Variants in MRTFB observed in about 807,000 individuals in gnomAD.
MRTFB encodes myocardin-related transcription factor B.
Under a neutral mutation model 104.2 loss-of-function variants are expected in MRTFB, and 29 were observed. The ratio of observed to expected loss-of-function variants is 0.28; its 90% CI spans 0.21 to 0.38. MRTFB has a LOEUF of 0.38. Ranked by LOEUF, MRTFB falls within the 10% of genes least tolerant of loss-of-function variation. The probability of loss-of-function intolerance (pLI) is 1.00; values close to 1 mark genes in which losing one functional copy is unlikely to be tolerated. For missense variants in MRTFB, 1,270 were observed against 1,341.6 expected, an observed-to-expected ratio of 0.95 and a Z score of 0.83; for synonymous variants, 535 against 519.5, an observed-to-expected ratio of 1.03 and a Z score of -0.41.
At chr16:14,103,989 T>A (rs1462708983) in intron 2 of MRTFB, among the ~76,000 whole-genome samples, 1 of 152,210 alleles carries the variant, frequency 6.6e-6, no homozygotes, top group African/African-American at 2.4e-5. Context: ...TAGTATTGGC[T>A]GGGATTGAGG....
intron 9 of MRTFB, among the ~76,000 whole-genome samples, chr16:14,238,248 C>T (rs2042609354): frequency 6.6e-6 from 1 of 152,092 alleles, no homozygotes. Context: ...AATTACTTAG[C>T]TCAAAACATC....
At position 14,097,575 on chromosome 16, in the gene MRTFB, T is replaced by A. The variant is rs555076367; in HGVS notation, c.-64+18221T>A. 5.3e-4 allele frequency among the ~76,000 whole-genome samples: 80 copies of A among 152,358 alleles called. 2 individuals carry two copies. The South Asian group carries it at 0.016, about 30-fold the overall frequency. On this transcript the variant is annotated intron_variant, in intron 2 of 16. Transcript: ENST00000571589. Reference sequence around the variant, plus strand: ...AAACTGTTCTTTTTGTAAACAGCTTTATTGAGGTATAATTGGCATCCAGTA... The same window carrying A: ...AAACTGTTCTTTTTGTAAACAGCTTAATTGAGGTATAATTGGCATCCAGTA...
the MRTFB span, among the ~76,000 whole-genome samples, chr16:14,049,765 C>T: frequency 6.6e-6 from 1 of 152,204 alleles, no homozygotes; most frequent in South Asian, 2.1e-4. Context: ...CGGAGTGTCA[C>T]TCTTGTTGCC....
At chr16:14,080,458 C>T (rs2034329295) in intron 2 of MRTFB, among the ~76,000 whole-genome samples, 1 of 152,116 alleles carries the variant, frequency 6.6e-6, no homozygotes, top group South Asian at 2.1e-4. Context: ...TTATGCGTTA[C>T]CTCACATAGT....
chr16:14,152,229 TC>T (rs2142797080), intron 3 of MRTFB: 1 of 152,226 alleles, frequency 6.6e-6, no homozygotes, highest in East Asian at 1.9e-4. Flanking sequence ...TAAGTTTTTT[TC>T]ATTATAAACC....
chr16:14,234,885 A>G (rs939202942), intron 9 of MRTFB, among the ~76,000 whole-genome samples: 1 of 152,224 alleles, frequency 6.6e-6, no homozygotes, highest in Admixed American at 6.5e-5. Flanking sequence ...AGAAAAACAG[A>G]TTTAAACTTT....
Position 14,206,708 on chromosome 16 carries a change from G to C in MRTFB, c.155-3535G>C, listed in dbSNP as rs144877619. Among the ~76,000 whole-genome samples, 24 of 152,182 alleles carry C rather than the reference G, an allele frequency of 1.6e-4. No individual in the cohort carries two copies. In the East Asian group the frequency reaches 4.3e-3, roughly 27 times the overall value. Reference sequence around the variant, plus strand: ...AGGCACCTGCCACCTCGCCTGGCTAGTTTTTATATTTTCAGTGGAGACGGG... The same window carrying C: ...AGGCACCTGCCACCTCGCCTGGCTACTTTTTATATTTTCAGTGGAGACGGG... On this transcript the variant is annotated intron_variant, in intron 3 of 16. Transcript: ENST00000571589.
chr16:14,222,477 T>G (rs1049045729), intron 8 of MRTFB, among the ~76,000 whole-genome samples: 13 of 152,096 alleles, frequency 8.5e-5, no homozygotes, highest in Non-Finnish European at 1.0e-4. Flanking sequence ...TATTTTATAT[T>G]TGGCCCAAAA....
rs946931509 is a variant in MRTFB at position 14,174,082 on chromosome 16, A to AT, written c.154+33330dup. ...TGTTTTCCCTGTGACTTAATGTATA[A>AT]TTTTTTTTGAGGATTCTATGTATAT... On this transcript the variant is annotated intron_variant, in intron 3 of 16. Transcript: ENST00000571589. Among the ~76,000 whole-genome samples, 6 of 151,836 alleles carry AT rather than the reference A, an allele frequency of 4.0e-5. No homozygotes were observed. The East Asian group carries it at 7.7e-4, about 19-fold the overall frequency.
At chr16:14,029,079 G>T in the MRTFB span, among the ~76,000 whole-genome samples, 2 of 151,922 alleles carry the variant, frequency 1.3e-5, no homozygotes, top group East Asian at 3.9e-4. Flanking sequence ...AGCACTTCAG[G>T]AGGCCAAGGC....
the MRTFB span, among the ~76,000 whole-genome samples, chr16:14,017,593 GTATATATATATATATATA>G: frequency 0.27 from 16,221 of 59,096 alleles, 2,826 homozygotes; most frequent in Admixed American, 0.46. Context: ...ACTGACTACA[GTATATATATATATATATA>G]TATATATATA....
chr16:14,162,152 CAAAA>C (rs376183467), intron 3 of MRTFB, among the ~76,000 whole-genome samples: 3,114 of 62,606 alleles, frequency 0.05, 24 homozygotes, highest in Middle Eastern at 0.18. Flanking sequence ...CCTGTCTCTA[CAAAA>C]AAAAAAAAAA....
chr16:14,144,543 T>C (rs1185337543), intron 3 of MRTFB: 1 of 152,178 alleles, frequency 6.6e-6, no homozygotes, highest in East Asian at 1.9e-4. Flanking sequence ...AGATAGTAGA[T>C]TTTAAGTGTT....
chr16:14,261,035 C>T lies in MRTFB; in HGVS notation c.2891C>T (p.Pro964Leu). The change falls in exon 17 of 17, where the codon CCA (proline) becomes CTA (leucine). Residue 964 changes from proline to leucine, a missense_variant. Physicochemically the swap from Pro to Leu is moderately conservative, Grantham distance 98 (BLOSUM62 -3). Coordinates refer to ENST00000571589, the MANE Select transcript of MRTFB (RefSeq NM_001308142.2). ...SRPPPQVQMA[P>L]PVSLEPMGSL... Reference sequence around the variant, plus strand: ...CCACCACCCCAAGTCCAAATGGCACCACCTGTATCTTTAGAACCTATGGGC... The same window carrying T: ...CCACCACCCCAAGTCCAAATGGCACTACCTGTATCTTTAGAACCTATGGGC... The T allele has an allele frequency of 6.2e-7, 1 of 1,614,182 alleles. No homozygotes were observed. The highest frequency in any genetic ancestry group is 1.1e-5 in the South Asian group (1 of 91,074).
the MRTFB span, among the ~76,000 whole-genome samples, chr16:14,036,534 T>C: frequency 6.8e-6 from 1 of 146,516 alleles, no homozygotes; most frequent in East Asian, 2.0e-4. Flanking sequence ...ATGTTGAAAT[T>C]ATACATTCCA....
At chr16:14,243,732 G>T (rs758977276) in intron 10 of MRTFB, among the ~76,000 whole-genome samples, 4 of 152,134 alleles carry the variant, frequency 2.6e-5, no homozygotes, top group African/African-American at 9.6e-5. Flanking sequence ...GAAAATTGAT[G>T]CAAAAATAAA....
chr16:14,198,110 C>A (rs538044174), intron 3 of MRTFB, among the ~76,000 whole-genome samples: 6 of 152,262 alleles, frequency 3.9e-5, no homozygotes, highest in East Asian at 1.9e-4. Flanking sequence ...TATCTGACTT[C>A]TTTTCCTTGT....
chr16:14,062,906 A>G, the MRTFB span, among the ~76,000 whole-genome samples: 4,127 of 152,196 alleles, frequency 0.027, 75 homozygotes, highest in Middle Eastern at 0.085. Flanking sequence ...CCCTGCAACC[A>G]CTACCCCCAA....
At chr16:14,077,764 C>T (rs7192682) in intron 1 of MRTFB, among the ~76,000 whole-genome samples, 9,343 of 152,110 alleles carry the variant, frequency 0.061, 901 homozygotes, top group African/African-American at 0.2. Context: ...GGTCCACTCC[C>T]ACCTTTGTTG....
Sources: allele counts gnomAD v4.1 joint callset (sites outside exome capture counted in the v4.1 genomes callset), GRCh38; gene constraint gnomAD v4.1.1; transcripts MANE v1.5; gene names NCBI Gene and HGNC (gene_info 2026-07-23, HGNC 2026-07-21).